The following NUP155 variants were observed in gnomAD, a reference collection of about 807,000 sequenced individuals.
The protein encoded by NUP155 is nuclear pore complex protein Nup155.
NUP155 carries 71 observed loss-of-function variants against 180.4 expected under a neutral mutation model. That is an observed-to-expected ratio of 0.39 (90% confidence interval 0.33 to 0.48). The LOEUF is 0.48. Among genes scored for constraint, NUP155 ranks in the 20% least tolerant of loss-of-function variants. NUP155 has a pLI of 0.91. For missense variants in NUP155, 1,553 were observed against 1,648.9 expected (o/e 0.94, Z 1.01); for synonymous variants, 582 against 559.5 (o/e 1.04, Z -0.57).
At chr5:37,304,881 G>T in intron 26 of NUP155, 38 bp from the exon 27 acceptor site, 2 of 1,572,580 alleles carry the variant, frequency 1.3e-6, no homozygotes, top group Non-Finnish European at 1.8e-6. Context: ...GCAGTTAAAG[G>T]CTCTGTTTCT....
chr5:37,311,059 TG>T, intron 22 of NUP155, among the ~76,000 whole-genome samples: 1 of 152,304 alleles, frequency 6.6e-6, no homozygotes, highest in Non-Finnish European at 1.5e-5. Context: ...TGGCTATATT[TG>T]AAAATCTTGG....
chr5:37,331,900 C>A (rs962156607), intron 13 of NUP155, 105 bp from the exon 14 acceptor site: 38 of 760,094 alleles, frequency 5.0e-5, no homozygotes, highest in Non-Finnish European at 7.6e-5. Context: ...ACAAAAAAAA[C>A]CATTCAACAA....
At position 37,317,981 on chromosome 5, in the gene NUP155, A is replaced by C; in HGVS notation, c.2305+7T>G. On this transcript the variant is annotated splice_region_variant and intron_variant, in intron 21 of 34. Transcript: ENST00000231498. ...GTACGCTTAACTGATGAGAAGCAAT[A>C]ATTTACCATGAAACTTCCTCTGCAG... 6.5e-7 allele frequency: 1 copy of C among 1,539,248 alleles called. No individual in the cohort carries two copies. The highest frequency in any genetic ancestry group is 9.0e-7 in the Non-Finnish European group (1 of 1,111,620).
chr5:37,321,973 A>C (rs991657345), intron 20 of NUP155, among the ~76,000 whole-genome samples: 1 of 152,102 alleles, frequency 6.6e-6, no homozygotes, highest in African/African-American at 2.4e-5. Context: ...CGCCTGCCTC[A>C]GCCTAGCTAG....
At chr5:37,356,618 C>A (rs1746847374) in intron 4 of NUP155, among the ~76,000 whole-genome samples, 1 of 151,728 alleles carries the variant, frequency 6.6e-6, no homozygotes. Flanking sequence ...CTAGCCTGGG[C>A]AACAGAGTGA....
Position 37,370,913 on chromosome 5 carries a change from G to A in NUP155, c.65C>T (p.Ala22Val), listed in dbSNP as rs1334881736. ...GATGAGCCGTCCAGCATTTTCCAGA[G>A]CTTCCTGCAGGGCTGCGGCAGATGT... ...ASTSAAALQEALENAGRLIDR... is the reference protein window; with the variant it reads ...ASTSAAALQEVLENAGRLIDR... Residue 22 changes from alanine to valine, a missense_variant, in exon 1 of 35, where the codon GCT (alanine) becomes GTT (valine). Transcript: ENST00000231498. 18 of 1,614,082 alleles carry A rather than the reference G, an allele frequency of 1.1e-5. No individual in the cohort carries two copies. The highest frequency in any genetic ancestry group is 1.5e-5 in the Non-Finnish European group (18 of 1,180,050).
At chr5:37,360,292 G>C (rs1238448117) in intron 3 of NUP155, among the ~76,000 whole-genome samples, 2 of 151,742 alleles carry the variant, frequency 1.3e-5, no homozygotes, top group African/African-American at 4.8e-5. Flanking sequence ...GACCGTCCTG[G>C]CCAACATGGT....
intron 30 of NUP155, among the ~76,000 whole-genome samples, chr5:37,300,341 G>A (rs909023037): frequency 6.6e-6 from 1 of 152,140 alleles, no homozygotes; most frequent in Non-Finnish European, 1.5e-5. Flanking sequence ...ATTGACTATA[G>A]TCACCCTATT....
Position 37,319,505 on chromosome 5 carries a change from T to C in NUP155, c.2208-1420A>G, listed in dbSNP as rs117805276. Among the ~76,000 whole-genome samples, 19 of 152,314 alleles carry C rather than the reference T, an allele frequency of 1.2e-4. No homozygotes were observed. The East Asian group carries it at 3.5e-3, about 28-fold the overall frequency. On this transcript the variant is annotated intron_variant, in intron 20 of 34. Coordinates refer to ENST00000231498, the MANE Select transcript of NUP155 (RefSeq NM_153485.3). ...TCTCTGTAAAATGCAGTAAATACAT[T>C]TGACAAACTCACTTATTGAATATGG...
intron 1 of NUP155, among the ~76,000 whole-genome samples, chr5:37,365,712 A>G (rs434903): frequency 0.12 from 1,329 of 11,206 alleles, 379 homozygotes; most frequent in Middle Eastern, 0.5. Flanking sequence ...TGTCTCGGGG[A>G]GAAAAAAAAA....
intron 1 of NUP155, 77 bp from the exon 2 acceptor site, chr5:37,364,461 A>C: frequency 7.5e-7 from 1 of 1,334,112 alleles, no homozygotes; most frequent in South Asian, 1.2e-5. Flanking sequence ...AGTGCCACAA[A>C]AAAATTGTTG....
intron 32 of NUP155, among the ~76,000 whole-genome samples, chr5:37,296,724 C>T (rs866444176): frequency 7.1e-6 from 1 of 140,204 alleles, no homozygotes; most frequent in African/African-American, 3.3e-5. Flanking sequence ...AATAGGTTTC[C>T]TCACTTTAAC....
intron 16 of NUP155, 58 bp from the exon 17 acceptor site, chr5:37,328,478 G>T: frequency 2.4e-6 from 3 of 1,270,786 alleles, no homozygotes; most frequent in Non-Finnish European, 3.4e-6. Context: ...TCTTTTGAAT[G>T]TGATCAAAAT....
chr5:37,298,809 T>A, intron 32 of NUP155, 59 bp downstream of exon 32: 1 of 881,320 alleles, frequency 1.1e-6, no homozygotes, highest in Non-Finnish European at 1.9e-6. Context: ...TTTGTCCATA[T>A]CAACGGAGAA....
intron 30 of NUP155, 181 bp downstream of exon 30, chr5:37,301,256 T>C (rs1742847818): frequency 3.6e-6 from 2 of 553,098 alleles, no homozygotes; most frequent in Admixed American, 2.9e-5. Context: ...TAGCTTAGCC[T>C]TTTTCTAGGA....
chr5:37,323,565 C>A (rs944448017), intron 20 of NUP155, among the ~76,000 whole-genome samples: 2 of 150,780 alleles, frequency 1.3e-5, no homozygotes, highest in African/African-American at 4.9e-5. Context: ...TTTCTATATT[C>A]CATTTATATA....
At chr5:37,295,928 G>A (rs1306413) in intron 32 of NUP155, among the ~76,000 whole-genome samples, 76 of 143,288 alleles carry the variant, frequency 5.3e-4, no homozygotes, top group Admixed American at 1.8e-3. Flanking sequence ...GGTGAGGGGC[G>A]CCTCTGCCCG....
At chr5:37,344,777 C>T (rs562126413) in intron 9 of NUP155, among the ~76,000 whole-genome samples, 39 of 149,984 alleles carry the variant, frequency 2.6e-4, no homozygotes, top group Non-Finnish European at 4.0e-4. Context: ...GAGGCCGAGG[C>T]AGGAGAACTG....
chr5:37,366,721 A>G (rs552008949), intron 1 of NUP155, among the ~76,000 whole-genome samples: 1 of 148,384 alleles, frequency 6.7e-6, no homozygotes, highest in Non-Finnish European at 1.5e-5. Flanking sequence ...GCCTGATCTC[A>G]GCTCACTGCA....
Sources: gnomAD v4.1 joint callset for allele counts (sites outside exome capture counted in the v4.1 genomes callset) on GRCh38, gnomAD v4.1.1 for gene constraint, MANE v1.5 for transcripts, NCBI Gene and HGNC (gene_info 2026-07-23, HGNC 2026-07-21) for gene names.